Variants in COG5 observed in about 807,000 individuals in gnomAD.
COG5 encodes component of oligomeric golgi complex 5.
COG5 carries 86 observed loss-of-function variants against 110.4 expected under a neutral mutation model. The ratio of observed to expected loss-of-function variants is 0.78; its 90% CI spans 0.65 to 0.93. The LOEUF (loss-of-function observed/expected upper bound fraction) is 0.93, where lower values mean the gene tolerates loss of function less well. COG5 is among the 40% of genes least tolerant of loss of function. The probability of loss-of-function intolerance (pLI) is 0.00; values close to 1 mark genes in which losing one functional copy is unlikely to be tolerated. For missense variants in COG5, 1,077 were observed against 987.0 expected (o/e 1.09, Z -1.22); for synonymous variants, 360 against 334.6 (o/e 1.08, Z -0.83).
chr7:107,270,018 G>A (rs982378413), intron 14 of COG5, among the ~76,000 whole-genome samples: 5 of 152,232 alleles, frequency 3.3e-5, no homozygotes, highest in Middle Eastern at 3.4e-3. Context: ...ACTTTATGGC[G>A]GTATAACCAA....
chr7:107,307,819 T>C (rs1807863442), intron 11 of COG5, among the ~76,000 whole-genome samples: 1 of 152,132 alleles, frequency 6.6e-6, no homozygotes. Context: ...CACCCACTGC[T>C]TGGGTGATGG....
At chr7:107,439,401 TTC>T (rs1192720406) in intron 6 of COG5, among the ~76,000 whole-genome samples, 1 of 152,196 alleles carries the variant, frequency 6.6e-6, no homozygotes, top group Admixed American at 6.5e-5. Flanking sequence ...TCTCCCCGTT[TTC>T]TCGAGCCCAT....
intron 10 of COG5, among the ~76,000 whole-genome samples, chr7:107,338,999 A>C (rs1584697768): frequency 6.6e-6 from 1 of 152,288 alleles, no homozygotes; most frequent in East Asian, 1.9e-4. Context: ...TAACAACTTC[A>C]TAATAAGCTC....
intron 6 of COG5, among the ~76,000 whole-genome samples, chr7:107,486,202 T>C (rs894501393): frequency 2.0e-5 from 3 of 152,112 alleles, no homozygotes; most frequent in Non-Finnish European, 2.9e-5. Flanking sequence ...AAGTGTATGG[T>C]GAAAAACATA....
chr7:107,365,170 A>G (rs77354802), intron 8 of COG5, among the ~76,000 whole-genome samples: 2,864 of 152,206 alleles, frequency 0.019, 88 homozygotes, highest in African/African-American at 0.064. Flanking sequence ...GCTTTAATAG[A>G]CTCAAGAAAC....
intron 19 of COG5, among the ~76,000 whole-genome samples, chr7:107,222,475 A>G (rs1800011239): frequency 6.6e-6 from 1 of 152,178 alleles, no homozygotes; most frequent in South Asian, 2.1e-4. Context: ...AAGTGCTGGG[A>G]TTACAGGCGT....
At chr7:107,357,295 T>C (rs533508285) in intron 10 of COG5, among the ~76,000 whole-genome samples, 28 of 152,302 alleles carry the variant, frequency 1.8e-4, no homozygotes, top group African/African-American at 6.7e-4. Flanking sequence ...TACTTTTCTC[T>C]TGCTCTGGAA....
intron 12 of COG5, among the ~76,000 whole-genome samples, chr7:107,295,964 G>GT (rs1238418059): frequency 6.6e-6 from 1 of 151,710 alleles, no homozygotes; most frequent in Non-Finnish European, 1.5e-5. Context: ...ATAATTTTTT[G>GT]TTTTTTTCAG....
chr7:107,256,875 G>A, intron 15 of COG5, 81 bp from the exon 16 acceptor site: 3 of 945,992 alleles, frequency 3.2e-6, no homozygotes, highest in East Asian at 2.5e-5. Flanking sequence ...GCATAATAAA[G>A]CTGTTTCCAC....
chr7:107,441,880 T>C (rs1042571997), intron 6 of COG5, among the ~76,000 whole-genome samples: 3 of 152,344 alleles, frequency 2.0e-5, no homozygotes, highest in African/African-American at 7.2e-5. Flanking sequence ...CATTTTAAAA[T>C]AGAAATATTC....
chr7:107,557,793 A>C (rs918151941), intron 2 of COG5, among the ~76,000 whole-genome samples, 183 bp downstream of exon 2: 31 of 152,380 alleles, frequency 2.0e-4, no homozygotes, highest in African/African-American at 7.0e-4. Flanking sequence ...GTGGTATATT[A>C]GTTTTTCCAC....
chr7:107,349,011 A>C (rs577283625), intron 10 of COG5, among the ~76,000 whole-genome samples: 10 of 152,152 alleles, frequency 6.6e-5, no homozygotes, highest in Non-Finnish European at 1.3e-4. Context: ...ACACACATGT[A>C]CCAACATGCC....
At chr7:107,342,382 A>AC (rs1562977464) in intron 10 of COG5, among the ~76,000 whole-genome samples, 1 of 151,402 alleles carries the variant, frequency 6.6e-6, no homozygotes, top group Non-Finnish European at 1.5e-5. Context: ...AAAAAAAAAA[A>AC]AAAACACACC....
intron 7 of COG5, among the ~76,000 whole-genome samples, chr7:107,404,698 AG>A (rs1395920697): frequency 6.6e-6 from 1 of 152,064 alleles, no homozygotes; most frequent in Admixed American, 6.6e-5. Context: ...AAGGGAAATG[AG>A]GGATGGAAAT....
At chr7:107,212,667 G>C (rs1269290531) in intron 19 of COG5, among the ~76,000 whole-genome samples, 1 of 152,180 alleles carries the variant, frequency 6.6e-6, no homozygotes, top group African/African-American at 2.4e-5. Context: ...GGTAGAAGAA[G>C]AACTTCCCGG....
chr7:107,546,067 G>A (rs1307479649), intron 5 of COG5, among the ~76,000 whole-genome samples: 2 of 151,952 alleles, frequency 1.3e-5, no homozygotes, highest in Non-Finnish European at 2.9e-5. Context: ...ATAAAGGATG[G>A]ATTTCGAAAA....
At chr7:107,386,675 A>T (rs1790230529) in intron 7 of COG5, among the ~76,000 whole-genome samples, 1 of 152,184 alleles carries the variant, frequency 6.6e-6, no homozygotes, top group South Asian at 2.1e-4. Flanking sequence ...TCGGTTTCAC[A>T]GGCACAATTA....
intron 6 of COG5, among the ~76,000 whole-genome samples, chr7:107,445,008 C>G (rs1794922195): frequency 6.6e-6 from 1 of 152,000 alleles, no homozygotes; most frequent in Admixed American, 6.6e-5. Context: ...GGCAACATAG[C>G]AAAACCCTGT....
intron 3 of COG5, among the ~76,000 whole-genome samples, chr7:107,550,393 C>G (rs754148384): frequency 1.6e-4 from 24 of 152,312 alleles, no homozygotes; most frequent in Non-Finnish European, 2.8e-4. Flanking sequence ...ATACAATAAC[C>G]TGATTAAACT....
Sources: allele counts gnomAD v4.1 joint callset (sites outside exome capture counted in the v4.1 genomes callset), GRCh38; gene constraint gnomAD v4.1.1; transcripts MANE v1.5; gene names NCBI Gene and HGNC (gene_info 2026-07-23, HGNC 2026-07-21).